The following PUS10 variants were observed in gnomAD, a reference collection of about 807,000 sequenced individuals.
The protein encoded by PUS10 is pseudouridine synthase 10.
PUS10 carries 59 observed loss-of-function variants against 75.0 expected under a neutral mutation model. The ratio of observed to expected loss-of-function variants is 0.79; its 90% CI spans 0.64 to 0.98. PUS10 has a LOEUF of 0.98. PUS10 is among the 50% of genes least tolerant of loss of function. The pLI, the probability that PUS10 is intolerant of heterozygous loss-of-function variation, is 0.00. For missense variants in PUS10, 650 were observed against 614.4 expected, an observed-to-expected ratio of 1.06 and a Z score of -0.61; for synonymous variants, 219 against 211.6, an observed-to-expected ratio of 1.03 and a Z score of -0.30.
intron 11 of PUS10, among the ~76,000 whole-genome samples, chr2:60,958,194 T>C (rs1558885329): frequency 2.0e-5 from 3 of 152,178 alleles, no homozygotes; most frequent in Admixed American, 6.5e-5. Flanking sequence ...AGAATCCAAA[T>C]GAAACTTTTT....
chr2:60,991,182 C>T (rs984079126), intron 4 of PUS10, among the ~76,000 whole-genome samples: 3 of 151,972 alleles, frequency 2.0e-5, no homozygotes, highest in African/African-American at 7.2e-5. Flanking sequence ...CCTGGCCTGA[C>T]CTATACTTTA....
At chr2:60,962,997 C>A in intron 8 of PUS10, 107 bp from the exon 9 acceptor site, 2 of 1,416,140 alleles carry the variant, frequency 1.4e-6, no homozygotes, top group South Asian at 1.4e-5. Flanking sequence ...TTCATTATAT[C>A]ATTTCATATA....
intron 4 of PUS10, among the ~76,000 whole-genome samples, chr2:60,996,418 C>G (rs1188841927): frequency 6.6e-6 from 1 of 152,122 alleles, no homozygotes; most frequent in Non-Finnish European, 1.5e-5. Flanking sequence ...CTTATGTTCT[C>G]CTTAACACAG....
chr2:60,997,353 G>A (rs1428372303), intron 4 of PUS10, among the ~76,000 whole-genome samples: 1 of 152,192 alleles, frequency 6.6e-6, no homozygotes, highest in Non-Finnish European at 1.5e-5. Context: ...GCTCACGCCT[G>A]TACTCCCAGC....
chr2:60,994,864 G>A (rs776492853), intron 4 of PUS10, among the ~76,000 whole-genome samples: 2 of 152,304 alleles, frequency 1.3e-5, no homozygotes, highest in East Asian at 1.9e-4. Context: ...TGAAGCAGGC[G>A]GATCACCTGA....
chr2:60,999,817 G>A (rs75914809), intron 4 of PUS10, among the ~76,000 whole-genome samples: 144 of 152,130 alleles, frequency 9.5e-4, no homozygotes, highest in Non-Finnish European at 1.3e-3. Flanking sequence ...AAACATTTAG[G>A]GGGGAAAAAG....
intron 4 of PUS10, among the ~76,000 whole-genome samples, chr2:60,972,111 C>T (rs1312612177): frequency 6.8e-6 from 1 of 146,368 alleles, no homozygotes; most frequent in Non-Finnish European, 1.5e-5. Flanking sequence ...TCAAGTGATC[C>T]GCCCACCTCG....
intron 1 of PUS10, among the ~76,000 whole-genome samples, chr2:61,016,794 G>A (rs1680011656): frequency 6.6e-6 from 1 of 152,136 alleles, no homozygotes; most frequent in South Asian, 2.1e-4. Context: ...GAAATGACCA[G>A]ACTGAGTCTC....
chr2:60,958,311 G>A (rs2104299912), intron 11 of PUS10, among the ~76,000 whole-genome samples: 1 of 152,198 alleles, frequency 6.6e-6, no homozygotes, highest in South Asian at 2.1e-4. Context: ...AAAGCCCAGG[G>A]TCTTTACTGC....
In PUS10 at chr2:60,940,374, C is replaced by A. The variant is rs1014579418; in HGVS notation, c.*2021G>T. On this transcript the variant is annotated 3_prime_UTR_variant, in exon 18 of 18. Coordinates refer to ENST00000316752, the MANE Select transcript of PUS10 (RefSeq NM_144709.4). ...TTTCTCTTAAGTGTTATGAAAAAGACTTTGAATTTAAATAAAGCTTACAAA... is the reference window on the plus strand; with the variant it reads ...TTTCTCTTAAGTGTTATGAAAAAGAATTTGAATTTAAATAAAGCTTACAAA... 11 of 152,144 alleles carry A rather than the reference C, an allele frequency of 7.2e-5. No homozygotes were observed. The highest frequency in any genetic ancestry group is 2.7e-4 in the African/African-American group (11 of 41,396). The allele number at this position is 152,144 out of a possible 1,614,324, so 9.4% of individuals were successfully genotyped here. A position where few individuals can be genotyped will look rare whatever the true frequency, so the allele number is the denominator to read the frequency against.
In PUS10 at chr2:60,948,191, G is replaced by C. The variant is rs1210562354; in HGVS notation, c.1309-6C>G. ...TTCTGGTCGATTTTTAAGTCCTAGG[G>C]GAGAATATGACACACAGTCCCAGAG... is the stretch of plus-strand genomic sequence containing the variant. On this transcript the variant is annotated splice_polypyrimidine_tract_variant and splice_region_variant and intron_variant, in intron 15 of 17. Coordinates refer to ENST00000316752, the MANE Select transcript of PUS10 (RefSeq NM_144709.4). The C allele has an allele frequency of 6.2e-7, 1 of 1,613,886 alleles. No homozygotes were observed. The highest frequency in any genetic ancestry group is 1.1e-5 in the South Asian group (1 of 91,074).
chr2:61,017,495 A>T (rs1281244385), intron 1 of PUS10: 1 of 364,392 alleles, frequency 2.7e-6, no homozygotes, highest in Non-Finnish European at 5.0e-6. Flanking sequence ...CGCTACCAGA[A>T]ATATCGATGA....
chr2:60,983,712 G>A (rs1439632112), intron 4 of PUS10, among the ~76,000 whole-genome samples: 5 of 151,492 alleles, frequency 3.3e-5, no homozygotes, highest in Non-Finnish European at 7.4e-5. Context: ...GTACCTATCA[G>A]AATAGAGCTA....
At chr2:61,007,784 A>C (rs1453297706) in intron 3 of PUS10, among the ~76,000 whole-genome samples, 8 of 147,624 alleles carry the variant, frequency 5.4e-5, no homozygotes, top group South Asian at 2.1e-4. Flanking sequence ...AAAAAAAAAA[A>C]CAGAAAAAAA....
At chr2:60,996,531 C>A (rs10195800) in intron 4 of PUS10, among the ~76,000 whole-genome samples, 1 of 151,412 alleles carries the variant, frequency 6.6e-6, no homozygotes, top group South Asian at 2.1e-4. Context: ...GTAATATCCA[C>A]GGAGCCAAGG....
rs1270013975 is a variant in PUS10 at position 61,001,391 on chromosome 2, C to T, written c.468+5166G>A. On this transcript the variant is annotated intron_variant, in intron 4 of 17. Transcript: ENST00000316752. The stretch of plus-strand genomic sequence containing the variant: ...TCCCGGGTTCAAATGATTCTCCTGC[C>T]TCAGCCTCCCAAATAGCTGGGACTA... Among the ~76,000 whole-genome samples, 5 of 152,178 alleles carry T rather than the reference C, an allele frequency of 3.3e-5. No homozygotes were observed. The East Asian group carries it at 7.7e-4, about 24-fold the overall frequency.
intron 4 of PUS10, among the ~76,000 whole-genome samples, chr2:60,984,421 G>A (rs1677595156): frequency 1.3e-5 from 2 of 152,204 alleles, no homozygotes; most frequent in Admixed American, 1.3e-4. Flanking sequence ...ACCGAAGAGT[G>A]TAACTTCAGG....
At chr2:61,013,896 G>C (rs191685144) in intron 1 of PUS10, among the ~76,000 whole-genome samples, 1 of 152,168 alleles carries the variant, frequency 6.6e-6, no homozygotes, top group Admixed American at 6.5e-5. Context: ...GTGGTGGCTG[G>C]CGCCTGCACT....
In PUS10 at chr2:61,011,807, G is replaced by A. The variant is rs1249646107; in HGVS notation, c.84C>T (p.Phe28=). ...AAGGTGCATGAAAATCCACACCACA[G>A]AATCTGAAGATACATCTTGGACAAG... The part of the protein sequence containing the change: ...TGTCPRCIFR[F]CGVDFHAPYK... Residue 28 remains phenylalanine (F), a synonymous_variant, in exon 2 of 18, where the codon TTC becomes TTT. Transcript: ENST00000316752. The A allele has an allele frequency of 1.2e-6, 2 of 1,607,522 alleles. No homozygotes were observed. The highest frequency in any genetic ancestry group is 1.7e-6 in the Non-Finnish European group (2 of 1,176,704).
Sources: allele counts gnomAD v4.1 joint callset (sites outside exome capture counted in the v4.1 genomes callset), GRCh38; gene constraint gnomAD v4.1.1; transcripts MANE v1.5; gene names NCBI Gene and HGNC (gene_info 2026-07-23, HGNC 2026-07-21).